UBE2E3: variants seen among roughly 807,000 people sequenced by gnomAD.
UBE2E3 encodes the protein ubiquitin conjugating enzyme E2 E3.
A neutral mutation model predicts 23.6 loss-of-function variants in UBE2E3; 5 were observed. The observed-to-expected ratio is 0.21, with a 90% CI of 0.11 to 0.44. UBE2E3 has a LOEUF of 0.44. Ranked by LOEUF, UBE2E3 falls within the 20% of genes least tolerant of loss-of-function variation. The probability of loss-of-function intolerance (pLI) is 0.99; values close to 1 mark genes in which losing one functional copy is unlikely to be tolerated. For synonymous variants in UBE2E3, 78 were observed against 87.5 expected (o/e 0.89, Z 0.60); for missense variants, 81 against 249.8 (o/e 0.32, Z 4.55).
At chr2:180,987,232 G>A (rs1684503941) in intron 3 of UBE2E3, 2 of 1,271,186 alleles carry the variant, frequency 1.6e-6, no homozygotes, top group Non-Finnish European at 2.2e-6. Context: ...GAGAGTCAAG[G>A]GAAATTGTGT....
intron 3 of UBE2E3, among the ~76,000 whole-genome samples, chr2:181,049,744 G>A (rs1473808664): frequency 6.6e-6 from 1 of 151,924 alleles, no homozygotes; most frequent in Non-Finnish European, 1.5e-5. Context: ...CTTTTTATAT[G>A]TACACCTGAC....
intron 3 of UBE2E3, among the ~76,000 whole-genome samples, chr2:180,991,381 C>T (rs1684655335): frequency 1.3e-5 from 2 of 152,178 alleles, no homozygotes; most frequent in African/African-American, 4.8e-5. Context: ...TTAACAACTT[C>T]CCATTGGCAT....
At chr2:181,039,490 G>T (rs1380960952) in intron 3 of UBE2E3, among the ~76,000 whole-genome samples, 1 of 152,062 alleles carries the variant, frequency 6.6e-6, no homozygotes, top group Non-Finnish European at 1.5e-5. Context: ...AGTGTACAGG[G>T]ACTGGTGTGG....
intron 3 of UBE2E3, among the ~76,000 whole-genome samples, chr2:180,993,997 GCA>G (rs1416739353): frequency 1.3e-5 from 2 of 152,116 alleles, no homozygotes; most frequent in Admixed American, 6.5e-5. Flanking sequence ...AAGAAACCTG[GCA>G]TTTGAAGGCT....
intron 3 of UBE2E3, among the ~76,000 whole-genome samples, chr2:181,007,682 G>C (rs1160086924): frequency 6.6e-6 from 1 of 152,116 alleles, no homozygotes; most frequent in Non-Finnish European, 1.5e-5. Context: ...TGCCAAGACT[G>C]TGGAGGGGGC....
At chr2:181,057,862 C>T (rs879552639) in intron 4 of UBE2E3, 37 bp downstream of exon 4, 39 of 1,595,502 alleles carry the variant, frequency 2.4e-5, no homozygotes, top group Admixed American at 3.4e-5. Context: ...GTATTTAATC[C>T]TTCTCCTCTA....
At chr2:180,997,241 C>G (rs72883535) in intron 3 of UBE2E3, among the ~76,000 whole-genome samples, 35,178 of 151,580 alleles carry the variant, frequency 0.23, 4,443 homozygotes, top group Non-Finnish European at 0.28. Flanking sequence ...TCCCATTTAT[C>G]TATCTCTATT....
intron 3 of UBE2E3, among the ~76,000 whole-genome samples, chr2:181,040,655 C>G (rs1390418524): frequency 6.6e-6 from 1 of 152,040 alleles, no homozygotes; most frequent in Non-Finnish European, 1.5e-5. Flanking sequence ...TGGGTAATCA[C>G]TAGAGGTTTC....
intron 3 of UBE2E3, among the ~76,000 whole-genome samples, chr2:181,005,684 C>A (rs903032727): frequency 2.6e-5 from 4 of 152,116 alleles, no homozygotes; most frequent in Admixed American, 2.0e-4. Flanking sequence ...TTCCTGTTAT[C>A]TATTGAATAA....
intron 3 of UBE2E3, among the ~76,000 whole-genome samples, chr2:181,034,506 A>T (rs1686200622): frequency 1.3e-5 from 2 of 152,208 alleles, no homozygotes; most frequent in Admixed American, 6.5e-5. Flanking sequence ...GAAGGGGAAC[A>T]TCACACACCG....
chr2:181,002,044 A>G (rs1217618396), intron 3 of UBE2E3, among the ~76,000 whole-genome samples: 1 of 152,186 alleles, frequency 6.6e-6, no homozygotes, highest in Non-Finnish European at 1.5e-5. Flanking sequence ...AGCAGCAGAC[A>G]GTACAGTATC....
At chr2:181,010,991 A>G (rs1355525375) in intron 3 of UBE2E3, among the ~76,000 whole-genome samples, 1 of 152,100 alleles carries the variant, frequency 6.6e-6, no homozygotes, top group Non-Finnish European at 1.5e-5. Context: ...TTCGCATCAT[A>G]CAACAGCCAG....
intron 3 of UBE2E3, among the ~76,000 whole-genome samples, chr2:181,018,003 CT>C (rs1235634451): frequency 6.6e-6 from 1 of 151,704 alleles, no homozygotes; most frequent in Non-Finnish European, 1.5e-5. Flanking sequence ...TTTCTGCTTT[CT>C]CTTTCTACCT....
intron 3 of UBE2E3, among the ~76,000 whole-genome samples, chr2:181,021,260 A>G (rs1018350501): frequency 1.3e-5 from 2 of 152,104 alleles, no homozygotes; most frequent in Non-Finnish European, 2.9e-5. Flanking sequence ...TTGTGAAGTC[A>G]TATATTCATT....
At chr2:180,991,699 T>C (rs1345500843) in intron 3 of UBE2E3, among the ~76,000 whole-genome samples, 1 of 152,190 alleles carries the variant, frequency 6.6e-6, no homozygotes, top group East Asian at 1.9e-4. Context: ...TAGTGTATTT[T>C]ATGTGTGGCC....
intron 3 of UBE2E3, among the ~76,000 whole-genome samples, chr2:181,047,099 G>A (rs903741284): frequency 6.6e-6 from 1 of 152,018 alleles, no homozygotes; most frequent in African/African-American, 2.4e-5. Flanking sequence ...GTAGTTTATT[G>A]GCATGATCAC....
chr2:181,057,075 G>C (rs1028725488), intron 3 of UBE2E3, among the ~76,000 whole-genome samples: 5 of 151,722 alleles, frequency 3.3e-5, no homozygotes, highest in African/African-American at 1.2e-4. Context: ...TGTTATAAAA[G>C]TTAAAGAAAG....
chr2:181,016,497 T>C (rs559527279), intron 3 of UBE2E3, among the ~76,000 whole-genome samples: 17 of 152,304 alleles, frequency 1.1e-4, no homozygotes, highest in African/African-American at 4.1e-4. Context: ...ATATTTCTTA[T>C]TTAATATGTA....
At chr2:181,049,425 C>G (rs1207390034) in intron 3 of UBE2E3, among the ~76,000 whole-genome samples, 2 of 151,882 alleles carry the variant, frequency 1.3e-5, no homozygotes, top group Non-Finnish European at 2.9e-5. Context: ...ATTATTTCAC[C>G]TTGTGTATGG....
Sources: gnomAD v4.1 joint callset for allele counts (sites outside exome capture counted in the v4.1 genomes callset) on GRCh38, gnomAD v4.1.1 for gene constraint, MANE v1.5 for transcripts, NCBI Gene and HGNC (gene_info 2026-07-23, HGNC 2026-07-21) for gene names.